Variants in SPIRE1 observed in about 807,000 individuals in gnomAD.
SPIRE1 encodes the protein protein spire homolog 1.
SPIRE1 carries 40 observed loss-of-function variants against 94.1 expected under a neutral mutation model. The observed-to-expected ratio is 0.43, with a 90% CI of 0.33 to 0.55. The LOEUF (loss-of-function observed/expected upper bound fraction) is 0.55, where lower values mean the gene tolerates loss of function less well. SPIRE1 is among the 20% of genes least tolerant of loss of function. The pLI, the probability that SPIRE1 is intolerant of heterozygous loss-of-function variation, is 0.06. For synonymous variants in SPIRE1, 376 were observed against 371.7 expected (o/e 1.01, Z -0.13); for missense variants, 838 against 975.2 (o/e 0.86, Z 1.87).
intron 2 of SPIRE1, among the ~76,000 whole-genome samples, chr18:12,622,992 T>G (rs1009758675): frequency 2.0e-5 from 3 of 152,198 alleles, no homozygotes; most frequent in Non-Finnish European, 4.4e-5. Context: ...ACTCTAAGAA[T>G]GGCACACAAC....
intron 7 of SPIRE1, among the ~76,000 whole-genome samples, chr18:12,494,596 G>A (rs2033370413): frequency 1.3e-5 from 2 of 151,836 alleles, no homozygotes; most frequent in South Asian, 4.2e-4. Flanking sequence ...TTGGGAGGCC[G>A]AGGTGGGCGG....
chr18:12,547,614 TTCTCTCTCTCTCTGTGTC>T (rs1214851614), intron 2 of SPIRE1, among the ~76,000 whole-genome samples: 1 of 152,006 alleles, frequency 6.6e-6, no homozygotes, highest in Non-Finnish European at 1.5e-5. Flanking sequence ...AATTTTATTG[TTCTCTCTCTCTCTGTGTC>T]TCTCTCTCTC....
At chr18:12,658,486 C>G, upstream of SPIRE1, 1 of 452,088 alleles carries the variant, frequency 2.2e-6, no homozygotes, top group South Asian at 1.6e-5. Context: ...AGGGAAGTCC[C>G]CGGCCGACTC....
intron 3 of SPIRE1, among the ~76,000 whole-genome samples, chr18:12,543,979 T>C (rs747634573): frequency 6.6e-6 from 1 of 152,214 alleles, no homozygotes; most frequent in Non-Finnish European, 1.5e-5. Context: ...CGTTTACTTG[T>C]AAAATGTTTC....
intron 4 of SPIRE1, among the ~76,000 whole-genome samples, 194 bp from the exon 5 acceptor site, chr18:12,512,725 A>AT (rs1204442759): frequency 6.6e-6 from 1 of 150,468 alleles, no homozygotes; most frequent in East Asian, 1.9e-4. Context: ...ATGGACGGAG[A>AT]TTGCTCACTC....
intron 10 of SPIRE1, among the ~76,000 whole-genome samples, chr18:12,478,489 G>A (rs1443766108): frequency 6.7e-6 from 1 of 150,288 alleles, no homozygotes; most frequent in Non-Finnish European, 1.5e-5. Flanking sequence ...GTAGCTAGGG[G>A]AGGTGTGTAT....
rs1230733582 is a variant in SPIRE1, at chr18:12,446,921, A to G, written c.*2717T>C. The G allele has an allele frequency of 6.6e-6, 1 of 152,232 alleles. No homozygotes were observed. The highest frequency in any genetic ancestry group is 1.5e-5 in the Non-Finnish European group (1 of 68,040). 9.4% of individuals were successfully genotyped at this position (152,232 alleles called of 1,614,324 possible). A position where few individuals can be genotyped will look rare whatever the true frequency, so the allele number is the denominator to read the frequency against. Reference sequence around the variant, plus strand: ...TTTCATTTGAAATCCTTAAGAATTAAAATCTAGTAAGATTGTTAAATCAAC... The same window carrying G: ...TTTCATTTGAAATCCTTAAGAATTAGAATCTAGTAAGATTGTTAAATCAAC... On this transcript the variant is annotated 3_prime_UTR_variant, in exon 17 of 17. Transcript: ENST00000409402.
intron 2 of SPIRE1, among the ~76,000 whole-genome samples, chr18:12,626,050 C>A (rs79381564): frequency 0.3 from 42,884 of 140,922 alleles, 7,179 homozygotes; most frequent in Non-Finnish European, 0.35. Flanking sequence ...CCGCCCCCCC[C>A]CAAAAAAAGG....
chr18:12,531,502 C>T (rs2034680682), intron 4 of SPIRE1, among the ~76,000 whole-genome samples: 1 of 152,160 alleles, frequency 6.6e-6, no homozygotes, highest in African/African-American at 2.4e-5. Context: ...TGTAGTGGAA[C>T]ACCTTTGCCG....
intron 4 of SPIRE1, among the ~76,000 whole-genome samples, chr18:12,527,845 T>A (rs2034568049): frequency 6.6e-6 from 1 of 152,040 alleles, no homozygotes; most frequent in South Asian, 2.1e-4. Context: ...GGTGGGTGGA[T>A]CACGAGGTCA....
chr18:12,533,975 T>C (rs2034767746), intron 4 of SPIRE1, among the ~76,000 whole-genome samples: 1 of 141,994 alleles, frequency 7.0e-6, no homozygotes, highest in African/African-American at 2.9e-5. Context: ...ACACAACTTA[T>C]TTATTCTTCA....
At chr18:12,540,032 G>T (rs79608554) in intron 3 of SPIRE1, among the ~76,000 whole-genome samples, 15,942 of 152,012 alleles carry the variant, frequency 0.1, 1,181 homozygotes, top group South Asian at 0.31. Flanking sequence ...AGAGTGGTCA[G>T]TAGGTGGCAC....
intron 2 of SPIRE1, among the ~76,000 whole-genome samples, chr18:12,551,679 G>A (rs1304456907): frequency 1.3e-5 from 2 of 151,940 alleles, no homozygotes; most frequent in East Asian, 3.9e-4. Flanking sequence ...TCCAGTCTGG[G>A]TGACAGAGCG....
At chr18:12,590,070 A>C (rs2036488857) in intron 2 of SPIRE1, among the ~76,000 whole-genome samples, 1 of 149,820 alleles carries the variant, frequency 6.7e-6, no homozygotes, top group African/African-American at 2.4e-5. Flanking sequence ...AAGCCATCCT[A>C]AAATGCCATC....
intron 2 of SPIRE1, among the ~76,000 whole-genome samples, chr18:12,608,751 C>A (rs1399569277): frequency 6.6e-6 from 1 of 152,162 alleles, no homozygotes; most frequent in Non-Finnish European, 1.5e-5. Flanking sequence ...ATAGTATCCA[C>A]CATTCCAGGA....
At chr18:12,543,885 GT>G (rs1567921814) in intron 3 of SPIRE1, among the ~76,000 whole-genome samples, 1 of 152,178 alleles carries the variant, frequency 6.6e-6, no homozygotes, top group Non-Finnish European at 1.5e-5. Flanking sequence ...ATGAATTGAG[GT>G]TTTTAACCTG....
intron 12 of SPIRE1, among the ~76,000 whole-genome samples, chr18:12,456,432 A>G (rs1315234141): frequency 2.0e-5 from 3 of 152,312 alleles, no homozygotes; most frequent in Admixed American, 6.5e-5. Flanking sequence ...TCTTATTTTT[A>G]TTCATCAGTG....
intron 3 of SPIRE1, among the ~76,000 whole-genome samples, chr18:12,539,363 T>C (rs923131421): frequency 6.6e-6 from 1 of 152,140 alleles, no homozygotes; most frequent in Non-Finnish European, 1.5e-5. Context: ...GCCAGCGATG[T>C]AAGACATGAC....
chr18:12,483,117 A>AT (rs1395781144), intron 9 of SPIRE1, among the ~76,000 whole-genome samples: 37 of 151,714 alleles, frequency 2.4e-4, no homozygotes, highest in Admixed American at 2.6e-4. Flanking sequence ...ATTTTTTGGT[A>AT]TTTTTTTGTG....
Sources: allele counts gnomAD v4.1 joint callset (sites outside exome capture counted in the v4.1 genomes callset), GRCh38; gene constraint gnomAD v4.1.1; transcripts MANE v1.5; gene names NCBI Gene and HGNC (gene_info 2026-07-23, HGNC 2026-07-21).